GABRB2: variants seen among roughly 807,000 people sequenced by gnomAD.
GABRB2 encodes gamma-aminobutyric acid type A receptor subunit beta2, also known as gamma-aminobutyric acid receptor subunit beta-2.
Under a neutral mutation model 54.7 loss-of-function variants are expected in GABRB2, and 16 were observed. The observed-to-expected ratio is 0.29, with a 90% CI of 0.20 to 0.44. The LOEUF is 0.44. Ranked by LOEUF, GABRB2 falls within the 20% of genes least tolerant of loss-of-function variation. The pLI is 1.00. For synonymous variants in GABRB2, 244 were observed against 233.8 expected (o/e 1.04, Z -0.40); for missense variants, 355 against 644.0 (o/e 0.55, Z 4.86).
Position 161,290,089 on chromosome 5 carries a change from A to G in GABRB2, c.*3992T>C, listed in dbSNP as rs564385239. On this transcript the variant is annotated 3_prime_UTR_variant, in exon 10 of 10. Coordinates refer to ENST00000393959, the MANE Select transcript of GABRB2 (RefSeq NM_001371727.1). ...GCCTTACCATAAAATACAAATTAGA[A>G]GTTAAAAATATTTAAGAAATCTGTT... The G allele has an allele frequency of 5.9e-5, 9 of 152,706 alleles. No individual in the cohort carries two copies. Among genetic ancestry groups the G allele is most frequent in the Non-Finnish European group, 1.2e-4 (8 of 68,004 alleles). 9.5% of individuals were successfully genotyped at this position (152,706 alleles called of 1,614,324 possible).
intron 4 of GABRB2, among the ~76,000 whole-genome samples, chr5:161,427,968 A>T (rs775680526): frequency 2.0e-5 from 3 of 152,112 alleles, no homozygotes; most frequent in Non-Finnish European, 4.4e-5. Flanking sequence ...TACTGCTGTG[A>T]CACAACTGAT....
At chr5:161,339,679 A>G (rs1490997319) in intron 5 of GABRB2, among the ~76,000 whole-genome samples, 1 of 152,106 alleles carries the variant, frequency 6.6e-6, no homozygotes, top group East Asian at 1.9e-4. Flanking sequence ...TAATCTTCAC[A>G]ACAATCATTT....
intron 7 of GABRB2, among the ~76,000 whole-genome samples, chr5:161,331,570 G>C (rs1449257418): frequency 6.6e-6 from 1 of 152,192 alleles, no homozygotes; most frequent in East Asian, 1.9e-4. Flanking sequence ...AGTCATTTTT[G>C]ACTTATGGGG....
chr5:161,465,114 AT>A (rs1464593907), intron 3 of GABRB2, among the ~76,000 whole-genome samples: 2 of 152,100 alleles, frequency 1.3e-5, no homozygotes, highest in Admixed American at 6.6e-5. Flanking sequence ...CTAGGTCCAC[AT>A]CCCAGTATGT....
At chr5:161,466,061 TC>T (rs1214265477) in intron 3 of GABRB2, among the ~76,000 whole-genome samples, 1 of 152,104 alleles carries the variant, frequency 6.6e-6, no homozygotes, top group Admixed American at 6.6e-5. Flanking sequence ...TGTTTCCATG[TC>T]TTTGATGGGT....
chr5:161,385,014 C>T (rs1256754446), intron 5 of GABRB2, among the ~76,000 whole-genome samples: 1 of 152,126 alleles, frequency 6.6e-6, no homozygotes, highest in African/African-American at 2.4e-5. Flanking sequence ...ATATGCTTTT[C>T]CAAGACCACA....
chr5:161,433,083 G>A (rs1175166976), intron 4 of GABRB2, among the ~76,000 whole-genome samples: 1 of 151,938 alleles, frequency 6.6e-6, no homozygotes. Flanking sequence ...ATGCACAGTA[G>A]ATACCAAAAA....
chr5:161,459,742 G>T lies in GABRB2; in HGVS notation c.340C>A (p.Gln114Lys). The stretch of plus-strand genomic sequence containing the variant: ...AAATAGGTATCAGGCACCCAGAGCT[G>T]GTCTGCCACTCTGTTGTCCAGAGTC... ...NLTLDNRVAD[Q>K]LWVPDTYFLN... The change falls in exon 4 of 10, where the codon CAG (glutamine) becomes AAG (lysine). Residue 114 changes from glutamine to lysine, a missense_variant. Gln to Lys is a moderately conservative substitution (Grantham distance 53). This residue lies in a region of GABRB2 where 42 missense variants were observed against 99.7 expected (regional missense o/e 0.42). Transcript: ENST00000393959. The T allele has an allele frequency of 6.2e-7, 1 of 1,613,762 alleles. No individual in the cohort carries two copies. The highest frequency in any genetic ancestry group is 8.5e-7 in the Non-Finnish European group (1 of 1,179,792).
At chr5:161,385,271 C>T (rs1755589496) in intron 5 of GABRB2, among the ~76,000 whole-genome samples, 1 of 152,188 alleles carries the variant, frequency 6.6e-6, no homozygotes, top group Non-Finnish European at 1.5e-5. Flanking sequence ...AATTCTAGCA[C>T]ATCAATCATT....
chr5:161,463,555 T>TA (rs1236064276), intron 3 of GABRB2, among the ~76,000 whole-genome samples: 333 of 23,478 alleles, frequency 0.014, 10 homozygotes, highest in Middle Eastern at 0.021. Context: ...ATATTTTTAT[T>TA]TATATATATA....
intron 4 of GABRB2, among the ~76,000 whole-genome samples, chr5:161,453,368 T>G (rs1757848930): frequency 6.6e-6 from 1 of 152,180 alleles, no homozygotes; most frequent in Non-Finnish European, 1.5e-5. Context: ...AATTCATGAG[T>G]TGAACCTAAT....
chr5:161,313,354 T>A (rs1268588987), intron 9 of GABRB2, among the ~76,000 whole-genome samples: 2 of 152,010 alleles, frequency 1.3e-5, no homozygotes, highest in South Asian at 2.1e-4. Context: ...ACTGAGCAGC[T>A]CTTTGCGCCC....
intron 4 of GABRB2, among the ~76,000 whole-genome samples, chr5:161,447,794 A>T (rs1228785875): frequency 6.6e-6 from 1 of 152,192 alleles, no homozygotes; most frequent in Non-Finnish European, 1.5e-5. Context: ...AGTAACTTCC[A>T]TAGGTTGTGT....
intron 4 of GABRB2, among the ~76,000 whole-genome samples, chr5:161,431,810 A>G (rs1009115131): frequency 3.3e-5 from 5 of 152,204 alleles, no homozygotes; most frequent in African/African-American, 1.2e-4. Flanking sequence ...ATATTAATCA[A>G]TTTTCTTAAT....
Position 161,471,162 on chromosome 5 carries a change from C to T in GABRB2, c.238-11318G>A, listed in dbSNP as rs188399351. Among the ~76,000 whole-genome samples the T allele has an allele frequency of 1.7e-4, 26 of 152,090 alleles. No homozygotes were observed. The East Asian group carries it at 4.5e-3, about 26-fold the overall frequency. ...TCCAGTTCTACCAACCAAGGTCCCA[C>T]AGCTGGGAATAAGGATTTCTGAAGG... On this transcript the variant is annotated intron_variant, in intron 3 of 9. Coordinates refer to ENST00000393959, the MANE Select transcript of GABRB2 (RefSeq NM_001371727.1).
intron 4 of GABRB2, among the ~76,000 whole-genome samples, chr5:161,425,423 C>T (rs1756970551): frequency 6.6e-6 from 1 of 152,076 alleles, no homozygotes; most frequent in African/African-American, 2.4e-5. Flanking sequence ...TGAACATAAA[C>T]ATCAAGGCAA....
Position 161,290,820 on chromosome 5 carries a change from T to A in GABRB2, c.*3261A>T, listed in dbSNP as rs1757217444. The A allele has an allele frequency of 6.6e-6, 1 of 152,578 alleles. No homozygotes were observed. Among genetic ancestry groups the A allele is most frequent in the Non-Finnish European group, 1.5e-5 (1 of 67,990 alleles). The allele number at this position is 152,578 out of a possible 1,614,324, so 9.5% of individuals were successfully genotyped here. On this transcript the variant is annotated 3_prime_UTR_variant, in exon 10 of 10. Transcript: ENST00000393959. ...AAGTCTTGCTTTAAACATGATTCAT[T>A]TCCCCATTACGCATTCCACTGCTCT...
intron 3 of GABRB2, among the ~76,000 whole-genome samples, chr5:161,494,697 C>T (rs1394687897): frequency 6.6e-6 from 1 of 151,666 alleles, no homozygotes; most frequent in Admixed American, 6.6e-5. Context: ...ATATTTTGCA[C>T]TATATAATTT....
intron 5 of GABRB2, among the ~76,000 whole-genome samples, chr5:161,358,542 G>C (rs1481590778): frequency 6.6e-6 from 1 of 152,162 alleles, no homozygotes; most frequent in Non-Finnish European, 1.5e-5. Flanking sequence ...GTAAAAAAAC[G>C]ATGGTGTGGA....
Sources: gnomAD v4.1 joint callset for allele counts (sites outside exome capture counted in the v4.1 genomes callset) on GRCh38, gnomAD v4.1.1 for gene constraint, gnomAD v4.1.1 regional missense constraint, MANE v1.5 for transcripts, NCBI Gene and HGNC (gene_info 2026-07-23, HGNC 2026-07-21) for gene names.